The following POU3F3 variants were observed in gnomAD, a reference collection of about 807,000 sequenced individuals.
The protein encoded by POU3F3 is POU class 3 homeobox 3, also known as POU domain, class 3, transcription factor 3.
A neutral mutation model predicts 8.6 loss-of-function variants in POU3F3; 1 was observed. The ratio of observed to expected loss-of-function variants is 0.12; its 90% confidence interval spans 0.04 to 0.55. The LOEUF (loss-of-function observed/expected upper bound fraction) is 0.55, where lower values mean the gene tolerates loss of function less well. POU3F3 is among the 20% of genes least tolerant of loss of function. The probability of loss-of-function intolerance (pLI) is 0.91; values close to 1 mark genes in which losing one functional copy is unlikely to be tolerated. For synonymous variants in POU3F3, 418 were observed against 327.4 expected (o/e 1.28, Z -2.99); for missense variants, 577 against 690.7 (o/e 0.84, Z 1.84).
chr2:104,863,271 A>C (rs1218859652), downstream of POU3F3, among the ~76,000 whole-genome samples: 1 of 151,100 alleles, frequency 6.6e-6, no homozygotes, highest in Non-Finnish European at 1.5e-5. Flanking sequence ...TAATGAGCAA[A>C]CCTGGGGGCT....
At chr2:104,871,459 C>CAGTCATTAGTAATAA in the POU3F3 span, among the ~76,000 whole-genome samples, 1 of 152,106 alleles carries the variant, frequency 6.6e-6, no homozygotes, top group Non-Finnish European at 1.5e-5. Context: ...TCCTCAACTC[C>CAGTCATTAGTAATAA]AGTCATTAGT....
chr2:104,882,179 G>T, the POU3F3 span, among the ~76,000 whole-genome samples: 1 of 151,612 alleles, frequency 6.6e-6, no homozygotes, highest in African/African-American at 2.4e-5. Flanking sequence ...AAAATTTCAG[G>T]TATTGGCCTG....
chr2:104,926,971 G>A, the POU3F3 span, among the ~76,000 whole-genome samples: 71 of 152,280 alleles, frequency 4.7e-4, no homozygotes, highest in African/African-American at 1.6e-3. Context: ...AGGGGCTAGG[G>A]GAGGGATAGC....
At chr2:104,908,005 G>A in the POU3F3 span, among the ~76,000 whole-genome samples, 1 of 152,122 alleles carries the variant, frequency 6.6e-6, no homozygotes, top group East Asian at 1.9e-4. Context: ...ATTATAGAAA[G>A]GTTTCTAAAA....
the POU3F3 span, among the ~76,000 whole-genome samples, chr2:104,894,378 G>A: frequency 6.6e-6 from 1 of 152,166 alleles, no homozygotes; most frequent in African/African-American, 2.4e-5. Flanking sequence ...TATGATTCCT[G>A]TGAGATATAC....
At chr2:104,890,704 G>A in the POU3F3 span, among the ~76,000 whole-genome samples, 3 of 152,158 alleles carry the variant, frequency 2.0e-5, no homozygotes, top group African/African-American at 7.2e-5. Flanking sequence ...GGCCTTAGCA[G>A]GCACGCAAGG....
the POU3F3 span, among the ~76,000 whole-genome samples, chr2:104,887,689 G>T: frequency 6.6e-6 from 1 of 152,144 alleles, no homozygotes; most frequent in Admixed American, 6.5e-5. Context: ...TCAAGAGAGC[G>T]GTGAAGCATG....
At chr2:104,920,534 G>A in the POU3F3 span, among the ~76,000 whole-genome samples, 4 of 152,138 alleles carry the variant, frequency 2.6e-5, no homozygotes, top group Non-Finnish European at 5.9e-5. Flanking sequence ...TTTCTGTAGA[G>A]CTAAGATGTG....
Position 104,857,037 on chromosome 2 carries a change from G to GCCGCCGCCGCCGCCGCCT in POU3F3, c.*29_*46dup. ...GAAGCCAGGGCGCAGAGCGAAGAGG[G>GCCGCCGCCGCCGCCGCCT]CCGCCGCCGCCGCCGCCTCCGCAGC... On this transcript the variant is annotated 3_prime_UTR_variant, in exon 1 of 1. Transcript: ENST00000361360. 2 of 1,398,958 alleles carry GCCGCCGCCGCCGCCGCCT rather than the reference G, an allele frequency of 1.4e-6. No individual in the cohort carries two copies. Among genetic ancestry groups the GCCGCCGCCGCCGCCGCCT allele is most frequent in the Non-Finnish European group, 1.9e-6 (2 of 1,068,702 alleles). The allele number at this position is 1,398,958 out of a possible 1,614,324, so 86.7% of individuals were successfully genotyped here.
the POU3F3 span, among the ~76,000 whole-genome samples, chr2:104,908,351 A>G: frequency 6.6e-6 from 1 of 152,202 alleles, no homozygotes; most frequent in Non-Finnish European, 1.5e-5. Flanking sequence ...AAGATTCAGA[A>G]CTCATGTCTT....
chr2:104,906,916 C>T, the POU3F3 span, among the ~76,000 whole-genome samples: 102 of 152,176 alleles, frequency 6.7e-4, no homozygotes, highest in Non-Finnish European at 1.1e-3. Context: ...CCATCTCTCT[C>T]TTGCCTGGGC....
the POU3F3 span, among the ~76,000 whole-genome samples, chr2:104,903,801 C>T: frequency 7.2e-5 from 11 of 152,300 alleles, no homozygotes; most frequent in East Asian, 3.9e-4. Flanking sequence ...AGAAGCTCTA[C>T]GGGTTCTTGC....
At chr2:104,913,735 G>A in the POU3F3 span, among the ~76,000 whole-genome samples, 11 of 152,182 alleles carry the variant, frequency 7.2e-5, no homozygotes, top group African/African-American at 1.2e-4. Context: ...TACAGAAAAC[G>A]TACCTGTACC....
chr2:104,911,537 G>T, the POU3F3 span, among the ~76,000 whole-genome samples: 1 of 151,962 alleles, frequency 6.6e-6, no homozygotes, highest in Non-Finnish European at 1.5e-5. Flanking sequence ...GAACATAAGA[G>T]AAGTGTGGTG....
At chr2:104,880,218 G>C in the POU3F3 span, among the ~76,000 whole-genome samples, 1 of 152,042 alleles carries the variant, frequency 6.6e-6, no homozygotes, top group Non-Finnish European at 1.5e-5. Context: ...ACAGATTTGG[G>C]ACCACCTGTT....
the POU3F3 span, among the ~76,000 whole-genome samples, chr2:104,903,323 C>A: frequency 9.9e-5 from 15 of 152,226 alleles, no homozygotes; most frequent in Admixed American, 9.2e-4. Flanking sequence ...ACAGCCACTG[C>A]ATACCAATTG....
At chr2:104,917,110 A>C in the POU3F3 span, among the ~76,000 whole-genome samples, 1 of 152,182 alleles carries the variant, frequency 6.6e-6, no homozygotes, top group Non-Finnish European at 1.5e-5. Context: ...CTCAAACCAG[A>C]ACTCACACCA....
At chr2:104,884,200 G>T in the POU3F3 span, among the ~76,000 whole-genome samples, 2 of 152,214 alleles carry the variant, frequency 1.3e-5, no homozygotes, top group Non-Finnish European at 2.9e-5. Flanking sequence ...TTACTTTGGA[G>T]TAGTGGTGAA....
At chr2:104,902,470 A>C in the POU3F3 span, among the ~76,000 whole-genome samples, 2 of 152,180 alleles carry the variant, frequency 1.3e-5, no homozygotes, top group African/African-American at 4.8e-5. Context: ...AAAGGTTAAC[A>C]TTGAATGAAA....
Sources: gnomAD v4.1 joint callset for allele counts (sites outside exome capture counted in the v4.1 genomes callset) on GRCh38, gnomAD v4.1.1 for gene constraint, MANE v1.5 for transcripts, NCBI Gene and HGNC (gene_info 2026-07-23, HGNC 2026-07-21) for gene names.